The following BCKDHB variants were observed in gnomAD, a reference collection of about 807,000 sequenced individuals.
The protein encoded by BCKDHB is 2-oxoisovalerate dehydrogenase subunit beta, mitochondrial.
A neutral mutation model predicts 48.5 loss-of-function variants in BCKDHB; 41 were observed. That is an observed-to-expected ratio of 0.85 (90% CI 0.66 to 1.10). The LOEUF (loss-of-function observed/expected upper bound fraction) is 1.10, where lower values mean the gene tolerates loss of function less well. Among genes scored for constraint, BCKDHB ranks in the 50% least tolerant of loss-of-function variants. BCKDHB has a pLI of 0.00. For missense variants in BCKDHB, 496 were observed against 494.2 expected, an observed-to-expected ratio of 1.00 and a Z score of -0.03; for synonymous variants, 201 against 174.8, an observed-to-expected ratio of 1.15 and a Z score of -1.18.
At chr6:80,150,550 CTTTTTTTTTTTT>C (rs758701261) in intron 3 of BCKDHB, among the ~76,000 whole-genome samples, 4 of 105,466 alleles carry the variant, frequency 3.8e-5, no homozygotes, top group Admixed American at 1.2e-4. Context: ...AGTTTGTCAT[CTTTTTTTTTTTT>C]TTTTTTTTTT....
At chr6:80,215,439 A>G (rs1775125976) in intron 8 of BCKDHB, among the ~76,000 whole-genome samples, 1 of 152,202 alleles carries the variant, frequency 6.6e-6, no homozygotes, top group African/African-American at 2.4e-5. Context: ...GCCCTTGGCC[A>G]CTTCCTTTAA....
At chr6:80,251,515 T>G (rs1347976663) in intron 8 of BCKDHB, among the ~76,000 whole-genome samples, 1 of 152,220 alleles carries the variant, frequency 6.6e-6, no homozygotes, top group African/African-American at 2.4e-5. Flanking sequence ...AGTCTGTCCC[T>G]GAAGGGGGTG....
chr6:80,128,950 G>C (rs941266127), intron 2 of BCKDHB, among the ~76,000 whole-genome samples: 7 of 151,710 alleles, frequency 4.6e-5, no homozygotes, highest in Non-Finnish European at 8.8e-5. Context: ...TTGCTGCTAT[G>C]TATCTACAGT....
intron 6 of BCKDHB, among the ~76,000 whole-genome samples, chr6:80,181,936 T>C (rs574161728): frequency 2.2e-4 from 34 of 152,352 alleles, no homozygotes; most frequent in African/African-American, 7.2e-4. Context: ...AAGGAACTCA[T>C]AAGTCCATCC....
Position 80,180,717 on chromosome 6 carries a change from G to A in BCKDHB, c.742+9327G>A, listed in dbSNP as rs180888792. ...ATGAATTCATATATTTTGAAGAGAC[G>A]AACATTATTTAAAGTAGCTTTTTAA... On this transcript the variant is annotated intron_variant, in intron 6 of 9. Coordinates refer to ENST00000320393, the MANE Select transcript of BCKDHB (RefSeq NM_183050.4). Among the ~76,000 whole-genome samples the A allele has an allele frequency of 1.1e-4, 16 of 152,236 alleles. No individual in the cohort carries two copies. In the East Asian group the frequency reaches 2.3e-3, roughly 22 times the overall value.
At chr6:80,464,438 T>A in the BCKDHB span, among the ~76,000 whole-genome samples, 1 of 152,116 alleles carries the variant, frequency 6.6e-6, no homozygotes, top group South Asian at 2.1e-4. Flanking sequence ...CATCTTTAAA[T>A]CTTTAGTGAT....
At chr6:80,185,327 T>G (rs181739388) in intron 6 of BCKDHB, among the ~76,000 whole-genome samples, 1 of 152,262 alleles carries the variant, frequency 6.6e-6, no homozygotes, top group East Asian at 1.9e-4. Flanking sequence ...TATCCTGCAC[T>G]GTTTTTTTTT....
chr6:80,226,686 T>C (rs991444148), intron 8 of BCKDHB, among the ~76,000 whole-genome samples: 3 of 152,248 alleles, frequency 2.0e-5, no homozygotes, highest in Non-Finnish European at 4.4e-5. Flanking sequence ...TAACTTGTTT[T>C]AGTGAATGGG....
At chr6:80,286,440 A>G (rs1766630953) in intron 9 of BCKDHB, among the ~76,000 whole-genome samples, 1 of 152,182 alleles carries the variant, frequency 6.6e-6, no homozygotes. Flanking sequence ...ATTGATGAAG[A>G]CACATTTAGT....
intron 1 of BCKDHB, among the ~76,000 whole-genome samples, chr6:80,110,014 T>G (rs760124803): frequency 7.9e-5 from 12 of 152,258 alleles, no homozygotes; most frequent in Admixed American, 5.9e-4. Context: ...ACTTTCTGCT[T>G]TTCACATGTC....
At chr6:80,161,019 G>T (rs908371552) in intron 3 of BCKDHB, among the ~76,000 whole-genome samples, 10 of 152,168 alleles carry the variant, frequency 6.6e-5, no homozygotes, top group Non-Finnish European at 1.3e-4. Context: ...AATCAAAGCT[G>T]CTAGGCATTG....
At chr6:80,392,817 C>T in the BCKDHB span, among the ~76,000 whole-genome samples, 4 of 150,454 alleles carry the variant, frequency 2.7e-5, no homozygotes, top group Admixed American at 1.3e-4. Context: ...CATAGCTTAA[C>T]CTGGGTCATT....
chr6:80,447,279 T>C, the BCKDHB span, among the ~76,000 whole-genome samples: 1 of 152,066 alleles, frequency 6.6e-6, no homozygotes, highest in African/African-American at 2.4e-5. Context: ...GCATGATGTA[T>C]GTGAAAGAAG....
At chr6:80,432,682 A>G in the BCKDHB span, among the ~76,000 whole-genome samples, 4 of 152,114 alleles carry the variant, frequency 2.6e-5, no homozygotes, top group Non-Finnish European at 5.9e-5. Flanking sequence ...ACTTCTGTCA[A>G]TTCATCCAAC....
intron 9 of BCKDHB, among the ~76,000 whole-genome samples, chr6:80,278,091 A>G (rs1343673840): frequency 6.6e-6 from 1 of 152,180 alleles, no homozygotes; most frequent in Admixed American, 6.5e-5. Flanking sequence ...TGTTTCATTA[A>G]AATTGCCGTG....
At chr6:80,176,458 A>G (rs561311635) in intron 6 of BCKDHB, among the ~76,000 whole-genome samples, 30 of 152,222 alleles carry the variant, frequency 2.0e-4, no homozygotes, top group African/African-American at 6.7e-4. Flanking sequence ...TGATGATTCC[A>G]TGGGGGCACT....
At chr6:80,238,600 A>AT (rs951708233) in intron 8 of BCKDHB, among the ~76,000 whole-genome samples, 2 of 151,436 alleles carry the variant, frequency 1.3e-5, no homozygotes, top group African/African-American at 2.4e-5. Context: ...TTATTTATAT[A>AT]TTTTTTATTT....
the BCKDHB span, among the ~76,000 whole-genome samples, chr6:80,378,511 G>GA: frequency 6.6e-6 from 1 of 152,004 alleles, no homozygotes; most frequent in Non-Finnish European, 1.5e-5. Context: ...TGTGTATAGA[G>GA]AAAATGTGAT....
At chr6:80,273,615 A>C (rs530764023) in intron 9 of BCKDHB, among the ~76,000 whole-genome samples, 1 of 152,232 alleles carries the variant, frequency 6.6e-6, no homozygotes, top group Admixed American at 6.5e-5. Flanking sequence ...TGATTGTGGA[A>C]TTGATCTTAG....
Sources: allele counts gnomAD v4.1 joint callset (sites outside exome capture counted in the v4.1 genomes callset), GRCh38; gene constraint gnomAD v4.1.1; transcripts MANE v1.5; gene names NCBI Gene and HGNC (gene_info 2026-07-23, HGNC 2026-07-21).